IRF5: variants seen among roughly 807,000 people sequenced by gnomAD.
IRF5 encodes the protein interferon regulatory factor 5.
A neutral mutation model predicts 55.1 loss-of-function variants in IRF5; 24 were observed. The ratio of observed to expected loss-of-function variants is 0.44; its 90% CI spans 0.32 to 0.61. The LOEUF (loss-of-function observed/expected upper bound fraction) is 0.61, where lower values mean the gene tolerates loss of function less well. Ranked by LOEUF, IRF5 falls within the 20% of genes least tolerant of loss-of-function variation. IRF5 has a pLI of 0.07. For synonymous variants in IRF5, 258 were observed against 260.2 expected (o/e 0.99, Z 0.08); for missense variants, 499 against 658.5 (o/e 0.76, Z 2.65).
Position 128,947,657 on chromosome 7 carries a change from C to T in IRF5, c.788-72C>T, listed in dbSNP as rs1489727396. 1.3e-6 allele frequency: 2 copies of T among 1,515,698 alleles called. No homozygotes were observed. The highest frequency in any genetic ancestry group is 1.4e-5 in the African/African-American group (1 of 72,986). The allele number at this position is 1,515,698 out of a possible 1,614,324, so 93.9% of individuals were successfully genotyped here. A position where few individuals can be genotyped will look rare whatever the true frequency, so the allele number is the denominator to read the frequency against. ...AAGTGGGAGGGCGGATGGGGCTGGGCCTGGCCACTGGGCTGCAGAATGGGG... is the reference window on the plus strand; with the variant it reads ...AAGTGGGAGGGCGGATGGGGCTGGGTCTGGCCACTGGGCTGCAGAATGGGG... On this transcript the variant is annotated intron_variant, in intron 6 of 8. Coordinates refer to ENST00000357234, the MANE Select transcript of IRF5 (RefSeq NM_001098629.3). This position sits in a 1 kb window ranked among gnomAD's most constrained non-coding sequence, Gnocchi z 6.5.
At position 128,948,787 on chromosome 7, in the gene IRF5, C is replaced by T. The variant is rs1796473070; in HGVS notation, c.1514C>T (p.Pro505Leu). ...GCAGGCCTTGGTGTTGGCCAGGGGCCCTGGCCTATGCACCCAGCTGGCATG... is the reference window on the plus strand; with the variant it reads ...GCAGGCCTTGGTGTTGGCCAGGGGCTCTGGCCTATGCACCCAGCTGGCATG... ...PGAGLGVGQG[P>L]WPMHPAGMQ is the part of the protein sequence containing the mutation. The change falls in exon 9 of 9, where the codon CCC becomes CTC. Residue 505 changes from proline to leucine, a missense_variant. This residue lies in a region of IRF5 where 194 missense variants were observed against 318.3 expected (regional missense o/e 0.61). Transcript: ENST00000357234. This position sits in a 1 kb window ranked among gnomAD's most constrained non-coding sequence, Gnocchi z 4.6. 1 of 1,607,420 alleles carries T rather than the reference C, an allele frequency of 6.2e-7. No individual in the cohort carries two copies. The highest frequency in any genetic ancestry group is 1.3e-5 in the African/African-American group (1 of 74,924).
At position 128,946,106 on chromosome 7, in the gene IRF5, G is replaced by A; in HGVS notation, c.385+72G>A. On this transcript the variant is annotated intron_variant, in intron 3 of 8. Transcript: ENST00000357234. This position sits in a 1 kb window ranked among gnomAD's most constrained non-coding sequence, Gnocchi z 4.2. ...TCCTGGCCCCCAGCCATGAGCTCTT[G>A]GGTGCAGGCAGGCCAAGGGCCCCTC... 4.2e-6 allele frequency: 6 copies of A among 1,428,036 alleles called. No individual in the cohort carries two copies. Among genetic ancestry groups the A allele is most frequent in the Non-Finnish European group, 5.6e-6 (6 of 1,067,222 alleles). The allele number at this position is 1,428,036 out of a possible 1,614,324, so 88.5% of individuals were successfully genotyped here. A position where few individuals can be genotyped will look rare whatever the true frequency, so the allele number is the denominator to read the frequency against.
chr7:128,948,079 G>T lies in IRF5; in HGVS notation c.1138G>T (p.Glu380Ter). The stretch of plus-strand genomic sequence containing the variant: ...CTCATGCCCCAACCCCATCCAGCGG[G>T]AGGTCAAGACCAAGCTTTTCAGCCT... Reference protein sequence around the residue: ...HDSCPNPIQREVKTKLFSLEH... With the variant: ...HDSCPNPIQR The change falls in exon 7 of 9, where the codon GAG becomes TAG. Residue 380 changes from glutamate to a stop codon, truncating the protein, a stop_gained. Transcript: ENST00000357234. LOFTEE classifies it high-confidence loss of function. The surrounding 1 kb of genome is among the most constrained non-coding windows in gnomAD (Gnocchi z 4.6). 3 of 1,614,180 alleles carry T rather than the reference G, an allele frequency of 1.9e-6. No homozygotes were observed. The highest frequency in any genetic ancestry group is 2.5e-6 in the Non-Finnish European group (3 of 1,180,016).
rs752223694 is a variant in IRF5 at position 128,948,002 on chromosome 7, G to A, written c.1061G>A (p.Arg354His). The change falls in exon 7 of 9, where the codon CGC becomes CAC. Residue 354 changes from arginine to histidine, a missense_variant. Transcript: ENST00000357234. The surrounding 1 kb of genome is among the most constrained non-coding windows in gnomAD (Gnocchi z 4.6). ...CAGGGCCAGGACCTTTATGCCATCC[G>A]CCTGTGTCAGTGCAAGGTGTTCTGG... ...QLQGQDLYAI[R>H]LCQCKVFWSG... 3 of 1,614,184 alleles carry A rather than the reference G, an allele frequency of 1.9e-6. No homozygotes were observed. The highest frequency in any genetic ancestry group is 8.5e-7 in the Non-Finnish European group (1 of 1,180,032).
Position 128,946,864 on chromosome 7 carries a change from G to A in IRF5, c.448-159G>A, listed in dbSNP as rs535574945. The A allele has an allele frequency of 2.6e-5, 23 of 868,776 alleles. No homozygotes were observed. The Middle Eastern group carries it at 1.0e-3, about 38-fold the overall frequency. 53.8% of individuals were successfully genotyped at this position (868,776 alleles called of 1,614,324 possible). A position where few individuals can be genotyped will look rare whatever the true frequency, so the allele number is the denominator to read the frequency against. On this transcript the variant is annotated intron_variant, in intron 4 of 8. Coordinates refer to ENST00000357234, the MANE Select transcript of IRF5 (RefSeq NM_001098629.3). This position sits in a 1 kb window ranked among gnomAD's most constrained non-coding sequence, Gnocchi z 4.2. The stretch of plus-strand genomic sequence containing the variant: ...CTTTTCTGACCTGCCTGGGATGGAC[G>A]AGCTGGGACCGGAGGCAGGGTCTTG...
chr7:128,945,080 T>G (rs1448253570), intron 2 of IRF5, among the ~76,000 whole-genome samples: 1 of 152,206 alleles, frequency 6.6e-6, no homozygotes, highest in Non-Finnish European at 1.5e-5. Context: ...CTGTCCTATG[T>G]GCAGGTTTAG....
Position 128,947,603 on chromosome 7 carries a change from G to A in IRF5, c.787+68G>A. The A allele has an allele frequency of 6.6e-7, 1 of 1,516,842 alleles. No homozygotes were observed. Among genetic ancestry groups the A allele is most frequent in the Non-Finnish European group, 8.8e-7 (1 of 1,139,918 alleles). 94.0% of individuals were successfully genotyped at this position (1,516,842 alleles called of 1,614,324 possible). ...TTGGGGTAGGATTGGCAAGGAGGGT[G>A]GAGGGTGCTGGACTCCCTTGGGTGG... is the stretch of plus-strand genomic sequence containing the variant. On this transcript the variant is annotated intron_variant, in intron 6 of 8. Transcript: ENST00000357234. This position sits in a 1 kb window ranked among gnomAD's most constrained non-coding sequence, Gnocchi z 6.5.
In IRF5 at chr7:128,946,743, C is replaced by T; in HGVS notation, c.447+181C>T. The T allele has an allele frequency of 1.6e-6, 1 of 635,256 alleles. No individual in the cohort carries two copies. 39.4% of individuals were successfully genotyped at this position (635,256 alleles called of 1,614,324 possible). ...AGTCCCCACCTGCTCCTTCCCAGGGCATTGTCATTACCCTGTGTGTGTGAC... is the reference window on the plus strand; with the variant it reads ...AGTCCCCACCTGCTCCTTCCCAGGGTATTGTCATTACCCTGTGTGTGTGAC... On this transcript the variant is annotated intron_variant, in intron 4 of 8. Coordinates refer to ENST00000357234, the MANE Select transcript of IRF5 (RefSeq NM_001098629.3). The surrounding 1 kb of genome is among the most constrained non-coding windows in gnomAD (Gnocchi z 4.2).
chr7:128,941,340 A>C (rs923805235), intron 1 of IRF5: 1 of 152,482 alleles, frequency 6.6e-6, no homozygotes, highest in African/African-American at 2.4e-5. Context: ...ATGCGTGTCC[A>C]GTGGGAGGAG....
At chr7:128,943,023 A>ATTTTTTTTTTTTTTT (rs34539872) in intron 2 of IRF5, 1 of 86,902 alleles carries the variant, frequency 1.2e-5, no homozygotes, top group Non-Finnish European at 2.2e-5. Flanking sequence ...CCAGATTCCA[A>ATTTTTTTTTTTTTTT]TTTTTTTTTT....
intron 2 of IRF5, among the ~76,000 whole-genome samples, chr7:128,943,597 A>G (rs1196750422): frequency 5.6e-5 from 8 of 143,844 alleles, no homozygotes; most frequent in African/African-American, 1.0e-4. Flanking sequence ...CTGGAGTGCA[A>G]TGGCACAATC....
chr7:128,939,941 G>A (rs899539002), intron 1 of IRF5, among the ~76,000 whole-genome samples: 3 of 152,238 alleles, frequency 2.0e-5, no homozygotes, highest in South Asian at 4.1e-4. Flanking sequence ...CTTGATTGGG[G>A]TGGTCTGAAT....
In IRF5 at chr7:128,949,834, C is replaced by T. The variant is rs1477250391; in HGVS notation, c.*1016C>T. On this transcript the variant is annotated 3_prime_UTR_variant, in exon 9 of 9. Transcript: ENST00000357234. ...GAGGTGGGGACAGTGAGTGAGTTCT[C>T]TTAGTCCCCCCAGAGCTGGTTGTTA... 1 of 152,100 alleles carries T rather than the reference C, an allele frequency of 6.6e-6. No individual in the cohort carries two copies. The highest frequency in any genetic ancestry group is 1.5e-5 in the Non-Finnish European group (1 of 68,044). 9.4% of individuals were successfully genotyped at this position (152,100 alleles called of 1,614,324 possible).
Position 128,949,875 on chromosome 7 carries a change from A to C in IRF5, c.*1057A>C, listed in dbSNP as rs1585312805. The C allele has an allele frequency of 1.3e-5, 2 of 151,862 alleles. No homozygotes were observed. The highest frequency in any genetic ancestry group is 1.9e-4 in the East Asian group (1 of 5,192). The allele number at this position is 151,862 out of a possible 1,614,324, so 9.4% of individuals were successfully genotyped here. A position where few individuals can be genotyped will look rare whatever the true frequency, so the allele number is the denominator to read the frequency against. ...CTGGTTGTTAAAGAGCCTGGCACCTACCCGCTCTCACTTCATCTGTGTCAT... is the reference window on the plus strand; with the variant it reads ...CTGGTTGTTAAAGAGCCTGGCACCTCCCCGCTCTCACTTCATCTGTGTCAT... On this transcript the variant is annotated 3_prime_UTR_variant, in exon 9 of 9. Transcript: ENST00000357234.
intron 2 of IRF5, among the ~76,000 whole-genome samples, chr7:128,944,830 C>T (rs951685216): frequency 6.6e-6 from 1 of 152,112 alleles, no homozygotes; most frequent in Non-Finnish European, 1.5e-5. Flanking sequence ...ATGGGTTGGC[C>T]GTAATTTCAC....
Position 128,946,427 on chromosome 7 carries a change from G to A in IRF5, c.386-74G>A. The A allele has an allele frequency of 6.5e-7, 1 of 1,538,026 alleles. No homozygotes were observed. Among genetic ancestry groups the A allele is most frequent in the Non-Finnish European group, 8.8e-7 (1 of 1,135,796 alleles). On this transcript the variant is annotated intron_variant, in intron 3 of 8. Transcript: ENST00000357234. This position sits in a 1 kb window ranked among gnomAD's most constrained non-coding sequence, Gnocchi z 4.2. ...AGAAGCTGCATAGGAGCTACAGGCA[G>A]CCTCTCAGGGGATCTTGCTTCTCCT...
At chr7:128,944,104 A>T (rs1435971006) in intron 2 of IRF5, among the ~76,000 whole-genome samples, 1 of 152,226 alleles carries the variant, frequency 6.6e-6, no homozygotes, top group African/African-American at 2.4e-5. Context: ...CAAAATTGGA[A>T]TCAAGTGAAT....
At chr7:128,941,721 C>G (rs1057322232) in intron 1 of IRF5, among the ~76,000 whole-genome samples, 5 of 152,144 alleles carry the variant, frequency 3.3e-5, no homozygotes, top group Admixed American at 3.3e-4. Flanking sequence ...GGGCTGCCCC[C>G]CAAGAGCAAG....
chr7:128,948,894 T>G lies in IRF5; in HGVS notation c.*76T>G. The stretch of plus-strand genomic sequence containing the variant: ...TGATGTGGAGATGTGACAGCCCCGA[T>G]GAGCACCTGGCTGGCTGCAGGGTCC... On this transcript the variant is annotated 3_prime_UTR_variant, in exon 9 of 9. Transcript: ENST00000357234. This position sits in a 1 kb window ranked among gnomAD's most constrained non-coding sequence, Gnocchi z 4.6. 1 of 1,528,266 alleles carries G rather than the reference T, an allele frequency of 6.5e-7. No individual in the cohort carries two copies. Among genetic ancestry groups the G allele is most frequent in the Admixed American group, 1.8e-5 (1 of 55,358 alleles). The allele number at this position is 1,528,266 out of a possible 1,614,324, so 94.7% of individuals were successfully genotyped here.
Sources: gnomAD v4.1 joint callset for allele counts (sites outside exome capture counted in the v4.1 genomes callset) on GRCh38, gnomAD v4.1.1 for gene constraint, gnomAD v4.1.1 regional missense constraint, Gnocchi (gnomAD v3.1) non-coding constraint, MANE v1.5 for transcripts, NCBI Gene and HGNC (gene_info 2026-07-23, HGNC 2026-07-21) for gene names.